Variants in ARHGEF4 observed in about 807,000 individuals in gnomAD.
ARHGEF4 encodes the protein Rho guanine nucleotide exchange factor 4.
In ARHGEF4, 119 loss-of-function variants were observed where a neutral mutation model predicts 162.0. The observed-to-expected ratio is 0.73, with a 90% CI of 0.63 to 0.86. ARHGEF4 has a LOEUF of 0.86. ARHGEF4 is among the 40% of genes least tolerant of loss of function. ARHGEF4 has a pLI of 0.00. For missense variants in ARHGEF4, 2,488 were observed against 2,456.0 expected (o/e 1.01, Z -0.28); for synonymous variants, 1,014 against 979.9 (o/e 1.03, Z -0.65).
intron 4 of ARHGEF4, among the ~76,000 whole-genome samples, chr2:131,017,836 G>C (rs1383645014): frequency 6.6e-6 from 1 of 152,150 alleles, no homozygotes; most frequent in Non-Finnish European, 1.5e-5. Context: ...GGATGGGAGG[G>C]CTCAACAGAG....
intron 1 of ARHGEF4, among the ~76,000 whole-genome samples, chr2:130,897,751 C>T (rs568819214): frequency 6.6e-6 from 1 of 152,322 alleles, no homozygotes; most frequent in South Asian, 2.1e-4. Context: ...GGTCAGGTCC[C>T]TGACTCACAG....
At chr2:130,871,050 T>C (rs188098049) in intron 1 of ARHGEF4, among the ~76,000 whole-genome samples, 3 of 152,184 alleles carry the variant, frequency 2.0e-5, no homozygotes, top group African/African-American at 7.2e-5. Context: ...TGGGTGTCAG[T>C]GGGAGACGAG....
At chr2:130,868,505 G>A (rs1159437227) in intron 1 of ARHGEF4, among the ~76,000 whole-genome samples, 1 of 152,140 alleles carries the variant, frequency 6.6e-6, no homozygotes, top group African/African-American at 2.4e-5. Context: ...ACCAGCTGCG[G>A]TCTGAGGCGG....
chr2:130,917,743 A>G (rs541050117), intron 2 of ARHGEF4, among the ~76,000 whole-genome samples: 1 of 151,910 alleles, frequency 6.6e-6, no homozygotes, highest in Non-Finnish European at 1.5e-5. Context: ...TTTAATTTCA[A>G]GCCATTTGAA....
rs942187865 is a variant in ARHGEF4 at position 130,962,932 on chromosome 2, G to T, written c.3985+16297G>T. ...CACAGTTTTTCACCTCCTGGAATTT[G>T]CATTTGCATTTCATATCCTGACTTG... On this transcript the variant is annotated intron_variant, in intron 4 of 13. Transcript: ENST00000409359. 5.3e-5 allele frequency among the ~76,000 whole-genome samples: 8 copies of T among 152,112 alleles called. No homozygotes were observed. In the East Asian group the frequency reaches 1.5e-3, roughly 29 times the overall value.
intron 1 of ARHGEF4, among the ~76,000 whole-genome samples, chr2:130,866,958 A>G (rs962748691): frequency 2.6e-5 from 4 of 152,124 alleles, no homozygotes; most frequent in Non-Finnish European, 5.9e-5. Context: ...TGTTCCTTCA[A>G]TGTTTGGTAG....
At chr2:130,883,272 C>T (rs866829025) in intron 1 of ARHGEF4, among the ~76,000 whole-genome samples, 1 of 152,000 alleles carries the variant, frequency 6.6e-6, no homozygotes, top group Middle Eastern at 3.2e-3. Context: ...CTCTGCCAGG[C>T]CGTTTTCCTG....
At position 131,040,351 on chromosome 2, in the gene ARHGEF4, T is replaced by G. The variant is rs745888592; in HGVS notation, c.4573T>G (p.Cys1525Gly). Residue 1525 changes from cysteine (C) to glycine (G), a missense_variant, in exon 8 of 14, where the codon TGC (cysteine) becomes GGC (glycine). Physicochemically the swap from Cys to Gly is radical, Grantham distance 159. Transcript: ENST00000409359. Reference sequence around the variant, plus strand: ...CGGGAACATCGAGGACATCTACCGCTGCCAGAAGGCCTTCGTGAAGGCCCT... The same window carrying G: ...CGGGAACATCGAGGACATCTACCGCGGCCAGAAGGCCTTCGTGAAGGCCCT... ...IFGNIEDIYR[C>G]QKAFVKALEQ... is the part of the protein sequence containing the mutation. 1 of 1,612,110 alleles carries G rather than the reference T, an allele frequency of 6.2e-7. No homozygotes were observed. Among genetic ancestry groups the G allele is most frequent in the Non-Finnish European group, 8.5e-7 (1 of 1,179,548 alleles).
chr2:130,946,791 G>T (rs1349584901), intron 4 of ARHGEF4, 156 bp downstream of exon 4: 2 of 1,030,056 alleles, frequency 1.9e-6, no homozygotes, highest in South Asian at 1.6e-5. Flanking sequence ...TTAGGGAGGA[G>T]TGCCTACTAC....
chr2:130,982,211 C>A (rs1156314970), intron 4 of ARHGEF4, among the ~76,000 whole-genome samples: 1 of 152,068 alleles, frequency 6.6e-6, no homozygotes, highest in East Asian at 1.9e-4. Flanking sequence ...GTTGGCCAGG[C>A]TAATCTCGAA....
intron 1 of ARHGEF4, among the ~76,000 whole-genome samples, chr2:130,844,706 G>T (rs1680833358): frequency 6.6e-6 from 1 of 152,122 alleles, no homozygotes; most frequent in Middle Eastern, 3.4e-3. Context: ...ACTCTCAGGG[G>T]CATGTGAAAA....
chr2:131,006,578 AT>A (rs1304636902), intron 4 of ARHGEF4, among the ~76,000 whole-genome samples: 1 of 152,176 alleles, frequency 6.6e-6, no homozygotes, highest in Non-Finnish European at 1.5e-5. Flanking sequence ...TGGGGAGCTA[AT>A]TTGCATTTTA....
At chr2:130,841,390 A>G (rs1450032372) in intron 1 of ARHGEF4, among the ~76,000 whole-genome samples, 1 of 118,820 alleles carries the variant, frequency 8.4e-6, no homozygotes, top group East Asian at 2.3e-4. Flanking sequence ...TTTTTTTTTT[A>G]CATTTCTATT....
At chr2:130,839,174 G>A (rs569977693) in intron 1 of ARHGEF4, among the ~76,000 whole-genome samples, 277 of 152,242 alleles carry the variant, frequency 1.8e-3, no homozygotes, top group Non-Finnish European at 3.6e-3. Flanking sequence ...CCGAGCCACC[G>A]ACAACGTAGT....
intron 4 of ARHGEF4, among the ~76,000 whole-genome samples, chr2:131,019,170 T>G (rs949709779): frequency 1.3e-5 from 2 of 152,170 alleles, no homozygotes. Context: ...CTCAGCATTT[T>G]GGGAGGCTGA....
intron 1 of ARHGEF4, among the ~76,000 whole-genome samples, chr2:130,875,394 G>A (rs1195525993): frequency 6.6e-6 from 1 of 152,120 alleles, no homozygotes; most frequent in African/African-American, 2.4e-5. Flanking sequence ...CTTTAAAAAG[G>A]TTTATTTTGG....
intron 1 of ARHGEF4, among the ~76,000 whole-genome samples, chr2:130,892,290 T>G (rs1474310809): frequency 6.6e-6 from 1 of 152,140 alleles, no homozygotes; most frequent in Non-Finnish European, 1.5e-5. Flanking sequence ...AGAGTTTCCC[T>G]CACACAAGCA....
Position 130,916,943 on chromosome 2 carries a change from T to G in ARHGEF4, c.2997T>G (p.Val999=). The change falls in exon 2 of 14, where the codon GTT becomes GTG. Residue 999 remains valine (V), a synonymous_variant. Coordinates refer to ENST00000409359, the MANE Select transcript of ARHGEF4 (RefSeq NM_001367493.1). ...EERAEDKEGY[V]FSDHWAPPLA... is the part of the protein sequence containing the mutation. ...GGGCGGAGGACAAAGAGGGCTATGT[T>G]TTTAGCGATCACTGGGCACCCCCAC... 6.4e-7 allele frequency: 1 copy of G among 1,550,660 alleles called. No individual in the cohort carries two copies. The highest frequency in any genetic ancestry group is 8.7e-7 in the Non-Finnish European group (1 of 1,147,026).
In ARHGEF4 at chr2:130,916,541, C is replaced by T. The variant is rs1194087662; in HGVS notation, c.2595C>T (p.Gly865=). 3.2e-6 allele frequency: 5 copies of T among 1,550,040 alleles called. No homozygotes were observed. Among genetic ancestry groups the T allele is most frequent in the Non-Finnish European group, 3.5e-6 (4 of 1,146,912 alleles). Residue 865 remains glycine (G), a synonymous_variant, in exon 2 of 14, where the codon GGC becomes GGT. Transcript: ENST00000409359. The part of the protein sequence containing the change: ...AWPEFVPQAA[G]DRTAGPAGAG... ...CCGAGTTTGTCCCGCAGGCTGCAGG[C>T]GACAGGACTGCAGGGCCGGCAGGAG...
Sources: gnomAD v4.1 joint callset for allele counts (sites outside exome capture counted in the v4.1 genomes callset) on GRCh38, gnomAD v4.1.1 for gene constraint, MANE v1.5 for transcripts, NCBI Gene and HGNC (gene_info 2026-07-23, HGNC 2026-07-21) for gene names.